Variants in CCSER1 observed in about 807,000 individuals in gnomAD.
CCSER1 encodes the protein serine-rich coiled-coil domain-containing protein 1.
Under a neutral mutation model 82.0 loss-of-function variants are expected in CCSER1, and 41 were observed. That is an observed-to-expected ratio of 0.50 (90% CI 0.39 to 0.65). CCSER1 has a LOEUF of 0.65. Among genes scored for constraint, CCSER1 ranks in the 30% least tolerant of loss-of-function variants. The pLI is 0.00. For missense variants in CCSER1, 1,119 were observed against 1,064.2 expected (o/e 1.05, Z -0.72); for synonymous variants, 414 against 383.9 (o/e 1.08, Z -0.92).
chr4:90,967,954 C>T (rs1734729489), intron 9 of CCSER1, among the ~76,000 whole-genome samples: 1 of 152,000 alleles, frequency 6.6e-6, no homozygotes, highest in African/African-American at 2.4e-5. Context: ...TTTCCCAAGG[C>T]AGTAAAGCTC....
chr4:90,923,517 T>G, intron 9 of CCSER1, 70 bp downstream of exon 9: 5 of 1,019,142 alleles, frequency 4.9e-6, no homozygotes, highest in Non-Finnish European at 7.5e-6. Context: ...TATTGACCTC[T>G]GCGGCTGCTG....
rs1368072442 is a variant in CCSER1 at position 90,803,964 on chromosome 4, G to A, written c.2011-11798G>A. 2.0e-5 allele frequency among the ~76,000 whole-genome samples: 3 copies of A among 152,306 alleles called. No individual in the cohort carries two copies. In the East Asian group the frequency reaches 5.8e-4, roughly 29 times the overall value. On this transcript the variant is annotated intron_variant, in intron 7 of 10. Coordinates refer to ENST00000509176, the MANE Select transcript of CCSER1 (RefSeq NM_001145065.2). ...GATTTGCATTTCTCTGATGACCAGT[G>A]ATGATGATTATTTTTTCTTATGTCT...
chr4:90,254,927 T>A (rs1439668702), intron 1 of CCSER1, among the ~76,000 whole-genome samples: 1 of 152,022 alleles, frequency 6.6e-6, no homozygotes, highest in African/African-American at 2.4e-5. Flanking sequence ...TACTAAAATA[T>A]CTGTATGTTT....
At chr4:91,508,898 C>T (rs927570311) in intron 10 of CCSER1, among the ~76,000 whole-genome samples, 3 of 151,906 alleles carry the variant, frequency 2.0e-5, no homozygotes, top group Non-Finnish European at 2.9e-5. Flanking sequence ...AATATTTCCC[C>T]TTGATCCCTT....
At chr4:91,440,535 C>G (rs543392958) in intron 10 of CCSER1, among the ~76,000 whole-genome samples, 2 of 152,298 alleles carry the variant, frequency 1.3e-5, no homozygotes, top group South Asian at 4.1e-4. Flanking sequence ...CTAAAATCGA[C>G]AGCCTAACAT....
At chr4:91,117,627 G>T (rs1394577317) in intron 10 of CCSER1, among the ~76,000 whole-genome samples, 2 of 152,050 alleles carry the variant, frequency 1.3e-5, no homozygotes, top group South Asian at 2.1e-4. Context: ...GCTTCGAAAG[G>T]TACCTCAGTT....
intron 10 of CCSER1, among the ~76,000 whole-genome samples, chr4:91,311,509 A>G (rs2149253512): frequency 6.6e-6 from 1 of 152,022 alleles, no homozygotes; most frequent in African/African-American, 2.4e-5. Flanking sequence ...TACTTATTTC[A>G]TTATTTCATT....
intron 10 of CCSER1, among the ~76,000 whole-genome samples, chr4:91,500,428 T>C (rs1191329552): frequency 6.6e-6 from 1 of 152,068 alleles, no homozygotes; most frequent in Non-Finnish European, 1.5e-5. Context: ...TGGCTTCTCA[T>C]TTTCTTGTTG....
At chr4:90,261,995 T>C (rs1016396937) in intron 1 of CCSER1, among the ~76,000 whole-genome samples, 4 of 152,052 alleles carry the variant, frequency 2.6e-5, no homozygotes, top group African/African-American at 9.7e-5. Context: ...TTTTCACTTA[T>C]ATATTGAATT....
intron 1 of CCSER1, among the ~76,000 whole-genome samples, chr4:90,131,151 C>T (rs886150693): frequency 6.6e-6 from 1 of 152,040 alleles, no homozygotes; most frequent in Non-Finnish European, 1.5e-5. Context: ...GCACGCGCCA[C>T]CACACCCAGC....
At chr4:90,622,213 G>T (rs1011723620) in intron 5 of CCSER1, among the ~76,000 whole-genome samples, 1 of 152,258 alleles carries the variant, frequency 6.6e-6, no homozygotes, top group Admixed American at 6.5e-5. Context: ...AGGTACCTGT[G>T]TATTTTTTAA....
intron 10 of CCSER1, among the ~76,000 whole-genome samples, chr4:91,216,486 A>AT (rs931497706): frequency 6.6e-6 from 1 of 151,864 alleles, no homozygotes; most frequent in East Asian, 2.0e-4. Flanking sequence ...CACCCGGCTA[A>AT]TTTTTTTGTG....
intron 10 of CCSER1, among the ~76,000 whole-genome samples, chr4:91,564,953 G>A (rs1762812746): frequency 1.3e-5 from 2 of 151,170 alleles, no homozygotes. Context: ...TGTCCAGGAT[G>A]GTATTGCTGT....
intron 9 of CCSER1, among the ~76,000 whole-genome samples, chr4:90,989,117 C>G (rs950988303): frequency 6.6e-6 from 1 of 151,700 alleles, no homozygotes; most frequent in African/African-American, 2.4e-5. Flanking sequence ...TATTTTGAGG[C>G]AGATCCTGAA....
chr4:90,429,382 T>C (rs1457092251), intron 4 of CCSER1, among the ~76,000 whole-genome samples: 1 of 151,852 alleles, frequency 6.6e-6, no homozygotes, highest in African/African-American at 2.4e-5. Flanking sequence ...GTCATTTGAA[T>C]TAGTAAACTA....
intron 4 of CCSER1, among the ~76,000 whole-genome samples, chr4:90,433,986 T>G (rs957467141): frequency 6.6e-6 from 1 of 151,966 alleles, no homozygotes; most frequent in Non-Finnish European, 1.5e-5. Flanking sequence ...GTTATCATCT[T>G]TAAGTTTTTA....
chr4:90,684,935 C>T (rs1560937629), intron 6 of CCSER1, among the ~76,000 whole-genome samples: 1 of 152,104 alleles, frequency 6.6e-6, no homozygotes, highest in Non-Finnish European at 1.5e-5. Context: ...TTTCCAGCCA[C>T]ATGGAACTGT....
intron 10 of CCSER1, among the ~76,000 whole-genome samples, chr4:91,174,970 T>C (rs184344331): frequency 0.013 from 2,026 of 152,132 alleles, 31 homozygotes; most frequent in African/African-American, 0.036. Flanking sequence ...TATCTCTCCC[T>C]GCTCCCCCCA....
At chr4:90,749,147 C>A (rs1354610580) in intron 7 of CCSER1, among the ~76,000 whole-genome samples, 2 of 151,314 alleles carry the variant, frequency 1.3e-5, no homozygotes, top group Non-Finnish European at 3.0e-5. Context: ...CCTAGGTTTT[C>A]TTCTAGGGTT....
Sources: gnomAD v4.1 joint callset for allele counts (sites outside exome capture counted in the v4.1 genomes callset) on GRCh38, gnomAD v4.1.1 for gene constraint, MANE v1.5 for transcripts, NCBI Gene and HGNC (gene_info 2026-07-23, HGNC 2026-07-21) for gene names.